The following DOCK7 variants were observed in gnomAD, a reference collection of about 807,000 sequenced individuals.
DOCK7 encodes dedicator of cytokinesis protein 7.
DOCK7 carries 138 observed loss-of-function variants against 271.0 expected under a neutral mutation model. The observed-to-expected ratio is 0.51, with a 90% CI of 0.44 to 0.59. The LOEUF (loss-of-function observed/expected upper bound fraction) is 0.59, where lower values mean the gene tolerates loss of function less well. Among genes scored for constraint, DOCK7 ranks in the 20% least tolerant of loss-of-function variants. The probability of loss-of-function intolerance (pLI) is 0.00; values close to 1 mark genes in which losing one functional copy is unlikely to be tolerated. For missense variants in DOCK7, 2,066 were observed against 2,592.4 expected, an observed-to-expected ratio of 0.80 and a Z score of 4.41; for synonymous variants, 823 against 876.1, an observed-to-expected ratio of 0.94 and a Z score of 1.07.
intron 18 of DOCK7, among the ~76,000 whole-genome samples, chr1:62,563,809 TG>T (rs1348571592): frequency 7.7e-6 from 1 of 130,040 alleles, no homozygotes; most frequent in East Asian, 2.5e-4. Context: ...ACCCACCTCA[TG>T]GCCAAAGGCA....
intron 16 of DOCK7, among the ~76,000 whole-genome samples, chr1:62,579,290 A>G (rs1210149458): frequency 6.6e-6 from 1 of 152,180 alleles, no homozygotes; most frequent in Non-Finnish European, 1.5e-5. Context: ...TAAGGTAGGG[A>G]GTTCTCTATT....
At chr1:62,577,919 A>C (rs1042208772) in intron 17 of DOCK7, among the ~76,000 whole-genome samples, 15 of 151,696 alleles carry the variant, frequency 9.9e-5, no homozygotes, top group African/African-American at 3.6e-4. Context: ...CAACCATAGT[A>C]ATTTTTTTTT....
intron 1 of DOCK7, among the ~76,000 whole-genome samples, chr1:62,666,121 A>T (rs1484047256): frequency 6.6e-6 from 1 of 151,774 alleles, no homozygotes; most frequent in Non-Finnish European, 1.5e-5. Flanking sequence ...CTGAGATTGC[A>T]CCACTGCACT....
At chr1:62,464,905 G>C (rs907994385) in intron 48 of DOCK7, among the ~76,000 whole-genome samples, 4 of 152,090 alleles carry the variant, frequency 2.6e-5, no homozygotes, top group African/African-American at 4.8e-5. Flanking sequence ...TTGTGTAGTT[G>C]AGAAAAATTT....
chr1:62,654,627 C>G (rs555676767), intron 2 of DOCK7, among the ~76,000 whole-genome samples: 15 of 152,202 alleles, frequency 9.9e-5, no homozygotes, highest in African/African-American at 3.6e-4. Flanking sequence ...TCCAAAAATT[C>G]TCCACATCCT....
At chr1:62,505,084 A>G (rs2149321668) in intron 36 of DOCK7, among the ~76,000 whole-genome samples, 1 of 152,358 alleles carries the variant, frequency 6.6e-6, no homozygotes, top group South Asian at 2.1e-4. Context: ...TAAAACACTT[A>G]GTAATCAACA....
intron 22 of DOCK7, among the ~76,000 whole-genome samples, chr1:62,551,116 G>A (rs1645889883): frequency 6.6e-6 from 1 of 152,088 alleles, no homozygotes; most frequent in Admixed American, 6.5e-5. Context: ...AAAGGTTGGA[G>A]GATCAAGATT....
chr1:62,557,867 A>T (rs552333961), intron 20 of DOCK7, among the ~76,000 whole-genome samples: 11 of 151,762 alleles, frequency 7.2e-5, no homozygotes, highest in African/African-American at 2.2e-4. Flanking sequence ...TCTCCATCCC[A>T]TTGTCACCCA....
chr1:62,688,162 C>A, intron 1 of DOCK7, 65 bp downstream of exon 1: 1 of 1,314,430 alleles, frequency 7.6e-7, no homozygotes, highest in South Asian at 2.0e-5. Flanking sequence ...CTAGGCCAGG[C>A]CTGGGAGGAC....
At chr1:62,685,536 C>A (rs1391105788) in intron 1 of DOCK7, among the ~76,000 whole-genome samples, 1 of 151,980 alleles carries the variant, frequency 6.6e-6, no homozygotes, top group East Asian at 1.9e-4. Flanking sequence ...TCAACCCCCA[C>A]CCACCCCCGG....
intron 14 of DOCK7, among the ~76,000 whole-genome samples, chr1:62,616,487 GAA>G (rs1201018675): frequency 2.0e-5 from 3 of 151,652 alleles, no homozygotes; most frequent in African/African-American, 7.2e-5. Context: ...CTACCAATGA[GAA>G]ATTTTATTTT....
chr1:62,568,150 G>A (rs1646585909), intron 18 of DOCK7, among the ~76,000 whole-genome samples: 1 of 152,086 alleles, frequency 6.6e-6, no homozygotes, highest in Non-Finnish European at 1.5e-5. Context: ...CTGAATGACT[G>A]TTGGGTAAAT....
chr1:62,486,881 T>C (rs1382939360), intron 43 of DOCK7: 1 of 152,164 alleles, frequency 6.6e-6, no homozygotes, highest in Non-Finnish European at 1.5e-5. Context: ...GTAGTTGGTA[T>C]TCATCTTTCA....
At chr1:62,594,885 A>G (rs1164271194) in intron 14 of DOCK7, among the ~76,000 whole-genome samples, 1 of 152,190 alleles carries the variant, frequency 6.6e-6, no homozygotes, top group Non-Finnish European at 1.5e-5. Context: ...GTCAATAGTT[A>G]TAAGCCACAA....
intron 22 of DOCK7, among the ~76,000 whole-genome samples, chr1:62,549,886 T>C (rs1645837115): frequency 1.3e-5 from 2 of 152,320 alleles, no homozygotes; most frequent in South Asian, 2.1e-4. Flanking sequence ...TCAGTTGTTT[T>C]AGTTTTTACC....
chr1:62,643,038 T>A (rs1394287298), intron 7 of DOCK7, among the ~76,000 whole-genome samples: 1 of 152,048 alleles, frequency 6.6e-6, no homozygotes, highest in Admixed American at 6.6e-5. Context: ...CAGCTTCCAC[T>A]CTCCTTTTTC....
chr1:62,668,712 G>A (rs1361166664), intron 1 of DOCK7, among the ~76,000 whole-genome samples: 1 of 151,934 alleles, frequency 6.6e-6, no homozygotes, highest in Non-Finnish European at 1.5e-5. Flanking sequence ...GGGCAACATG[G>A]CAAAACTCTG....
At chr1:62,618,064 A>G (rs1291212372) in intron 14 of DOCK7, among the ~76,000 whole-genome samples, 5 of 152,118 alleles carry the variant, frequency 3.3e-5, no homozygotes, top group African/African-American at 1.2e-4. Context: ...TGCCCTACTG[A>G]ATATCCCAAC....
intron 14 of DOCK7, among the ~76,000 whole-genome samples, chr1:62,592,548 T>A (rs1648604065): frequency 5.9e-5 from 9 of 152,104 alleles, no homozygotes. Context: ...TTGTTTGTTA[T>A]ATATATAACA....
Sources: allele counts gnomAD v4.1 joint callset (sites outside exome capture counted in the v4.1 genomes callset), GRCh38; gene constraint gnomAD v4.1.1; transcripts MANE v1.5; gene names NCBI Gene and HGNC (gene_info 2026-07-23, HGNC 2026-07-21).